The following MOB3C variants were observed in gnomAD, a reference collection of about 807,000 sequenced individuals.
MOB3C encodes MOB kinase activator 3C, also known as MOB1, Mps One Binder kinase activator-like 2C.
A neutral mutation model predicts 19.8 loss-of-function variants in MOB3C; 17 were observed. That is an observed-to-expected ratio of 0.86 (90% CI 0.59 to 1.29). MOB3C has a LOEUF of 1.29. MOB3C is among the 50% of genes most tolerant of loss of function. The probability of loss-of-function intolerance (pLI) is 0.00; values close to 1 mark genes in which losing one functional copy is unlikely to be tolerated. For missense variants in MOB3C, 291 were observed against 301.9 expected (o/e 0.96, Z 0.27); for synonymous variants, 101 against 119.2 (o/e 0.85, Z 0.99).
At position 46,613,158 on chromosome 1, in the gene MOB3C, T is replaced by A. The variant is rs1360463792; in HGVS notation, c.164A>T (p.Asn55Ile). ...GTGCACGGCGATCCAGTCGTCGATG[T>A]TCTCCCCGGGTGGTAGCCTCACCAC... is the stretch of plus-strand genomic sequence containing the variant. ...RSVVRLPPGE[N>I]IDDWIAVHVV... is the part of the protein sequence containing the mutation. Residue 55 changes from asparagine (N) to isoleucine (I), a missense_variant, in exon 2 of 4, where the codon AAC becomes ATC. Physicochemically the swap from Asn to Ile is moderately radical, Grantham distance 149 (BLOSUM62 -3). Coordinates refer to ENST00000319928, the MANE Select transcript of MOB3C (RefSeq NM_201403.3). 1 of 1,614,262 alleles carries A rather than the reference T, an allele frequency of 6.2e-7. No homozygotes were observed.
rs1030668046 is a variant in MOB3C at position 46,611,884 on chromosome 1, CT to C, written c.418+1019del. On this transcript the variant is annotated intron_variant, in intron 2 of 3. Coordinates refer to ENST00000319928, the MANE Select transcript of MOB3C (RefSeq NM_201403.3). This position sits in a 1 kb window ranked among gnomAD's most constrained non-coding sequence, Gnocchi z 4.1. The stretch of plus-strand genomic sequence containing the variant: ...CATTGAATTGTGACTCAGTGCCCAG[CT>C]TCCTTCAGCATTCAGACTTCTCCCC... 6.6e-6 allele frequency among the ~76,000 whole-genome samples: 1 copy of C among 152,158 alleles called. No homozygotes were observed. The highest frequency in any genetic ancestry group is 2.4e-5 in the African/African-American group (1 of 41,432).
At position 46,612,940 on chromosome 1, in the gene MOB3C, G is replaced by A. The variant is rs1675493847; in HGVS notation, c.382C>T (p.Leu128Phe). Residue 128 changes from leucine to phenylalanine, a missense_variant, in exon 2 of 4, where the codon CTC becomes TTC. Coordinates refer to ENST00000319928, the MANE Select transcript of MOB3C (RefSeq NM_201403.3). ...MALLMDWIEGLINDEEVFPTR... is the reference protein window; with the variant it reads ...MALLMDWIEGFINDEEVFPTR... ...GGAAAGACCTCTTCGTCGTTGATGAGGCCTTCGATCCAGTCCATGAGCAAT... is the reference window on the plus strand; with the variant it reads ...GGAAAGACCTCTTCGTCGTTGATGAAGCCTTCGATCCAGTCCATGAGCAAT... The A allele has an allele frequency of 2.5e-6, 4 of 1,570,696 alleles. No homozygotes were observed. The African/African-American group carries it at 5.4e-5, about 21-fold the overall frequency.
In MOB3C at chr1:46,611,222, A is replaced by G. The variant is rs770663263; in HGVS notation, c.419-1018T>C. Among the ~76,000 whole-genome samples the G allele has an allele frequency of 9.2e-5, 14 of 152,210 alleles. No homozygotes were observed. Among genetic ancestry groups the G allele is most frequent in the Non-Finnish European group, 1.8e-4 (12 of 68,040 alleles). Reference sequence around the variant, plus strand: ...CCTTTTGCCTCTAATCCTTAGAACAATTCGCCTGATGTGTCTGATTGTCAC... The same window carrying G: ...CCTTTTGCCTCTAATCCTTAGAACAGTTCGCCTGATGTGTCTGATTGTCAC... On this transcript the variant is annotated intron_variant, in intron 2 of 3. Transcript: ENST00000319928. The surrounding 1 kb of genome is among the most constrained non-coding windows in gnomAD (Gnocchi z 4.1).
rs759569065 is a variant in MOB3C, at chr1:46,613,102, T to C, written c.220A>G (p.Ile74Val). 1.5e-5 allele frequency: 24 copies of C among 1,614,010 alleles called. No individual in the cohort carries two copies. The highest frequency in any genetic ancestry group is 1.9e-5 in the Non-Finnish European group (23 of 1,179,882). The stretch of plus-strand genomic sequence containing the variant: ...CAGCGCTCCGCCATAGTGCCGTAGA[T>C]GAGGTTGATGCGGTTGAAGAAGTCC... ...VVDFFNRINL[I>V]YGTMAERCSE... Residue 74 changes from isoleucine (I) to valine (V), a missense_variant, in exon 2 of 4, where the codon ATC (isoleucine) becomes GTC (valine). Physicochemically the swap from Ile to Val is conservative, Grantham distance 29. Transcript: ENST00000319928.
chr1:46,609,603 C>T lies in MOB3C; in HGVS notation c.*52G>A, dbSNP rs1675426833. 1 of 1,612,916 alleles carries T rather than the reference C, an allele frequency of 6.2e-7. No individual in the cohort carries two copies. Among genetic ancestry groups the T allele is most frequent in the Admixed American group, 1.7e-5 (1 of 60,016 alleles). ...GCTCCTGGGGGTCCCCTCTGCCAGCCACCCTATGTTCAGATCGTCCATCTG... is the reference window on the plus strand; with the variant it reads ...GCTCCTGGGGGTCCCCTCTGCCAGCTACCCTATGTTCAGATCGTCCATCTG... On this transcript the variant is annotated 3_prime_UTR_variant, in exon 4 of 4. Transcript: ENST00000319928.
rs1227462415 is a variant in MOB3C, at chr1:46,607,746, A to G, written c.*1909T>C. On this transcript the variant is annotated 3_prime_UTR_variant, in exon 4 of 4. Transcript: ENST00000319928. ...CTTTAGTTTGCCTTTTATTTTACCA[A>G]AAATAACAACAATAAAGTCTTCCCT... The G allele has an allele frequency of 6.6e-6, 1 of 152,198 alleles. No individual in the cohort carries two copies. The allele number at this position is 152,198 out of a possible 1,614,324, so 9.4% of individuals were successfully genotyped here.
In MOB3C at chr1:46,613,227, T is replaced by C. The variant is rs767825672; in HGVS notation, c.95A>G (p.Lys32Arg). The C allele has an allele frequency of 3.7e-6, 6 of 1,614,184 alleles. No homozygotes were observed. The highest frequency in any genetic ancestry group is 1.7e-4 in the Middle Eastern group (1 of 6,060). Residue 32 changes from lysine to arginine, a missense_variant, in exon 2 of 4, where the codon AAG (lysine) becomes AGG (arginine). Transcript: ENST00000319928. ...EPGTQRFELYKKAQASLKSGL... is the reference protein window; with the variant it reads ...EPGTQRFELYRKAQASLKSGL... ...CGACTTGAGAGAGGCCTGTGCCTTCTTGTACAGCTCAAAGCGCTGTGTGCC... is the reference window on the plus strand; with the variant it reads ...CGACTTGAGAGAGGCCTGTGCCTTCCTGTACAGCTCAAAGCGCTGTGTGCC...
intron 1 of MOB3C, chr1:46,613,890 C>A (rs1675520419): frequency 6.4e-6 from 1 of 155,708 alleles, no homozygotes; most frequent in Non-Finnish European, 1.4e-5. Context: ...GGGAACTTTT[C>A]TACCAAAAAT....
At chr1:46,614,948 TTG>T in intron 1 of MOB3C, 1 of 1,546,756 alleles carries the variant, frequency 6.5e-7, no homozygotes, top group Non-Finnish European at 8.9e-7. Context: ...CAGCAGGAAC[TTG>T]TTCTCTTGAA....
chr1:46,609,644 C>G lies in MOB3C; in HGVS notation c.*11G>C. 6.2e-7 allele frequency: 1 copy of G among 1,614,180 alleles called. No individual in the cohort carries two copies. Among genetic ancestry groups the G allele is most frequent in the African/African-American group, 1.3e-5 (1 of 75,046 alleles). On this transcript the variant is annotated 3_prime_UTR_variant, in exon 4 of 4. Transcript: ENST00000319928. Reference sequence around the variant, plus strand: ...CGTCCATCTGATGGCCAAAAAAGTCCAGACCTGGGCTCAGTGGCAGATCCG... The same window carrying G: ...CGTCCATCTGATGGCCAAAAAAGTCGAGACCTGGGCTCAGTGGCAGATCCG...
At chr1:46,609,881 A>T in intron 3 of MOB3C, 121 bp downstream of exon 3, 2 of 1,288,464 alleles carry the variant, frequency 1.6e-6, no homozygotes, top group Non-Finnish European at 2.2e-6. Flanking sequence ...TCACTGTTAA[A>T]TGAATTGCCT....
At chr1:46,609,936 C>A in intron 3 of MOB3C, 66 bp downstream of exon 3, 1 of 1,579,370 alleles carries the variant, frequency 6.3e-7, no homozygotes, top group Non-Finnish European at 8.7e-7. Context: ...TTAAAGCAGG[C>A]AGCTTTTGGA....
chr1:46,609,768 C>A, intron 3 of MOB3C, 84 bp from the exon 4 acceptor site: 1 of 1,563,944 alleles, frequency 6.4e-7, no homozygotes, highest in South Asian at 1.2e-5. Context: ...CCTAGCTGCT[C>A]TTCTGTCTGA....
chr1:46,615,609 T>G (rs1675547005), intron 1 of MOB3C: 1 of 152,756 alleles, frequency 6.5e-6, no homozygotes, highest in African/African-American at 2.4e-5. Context: ...GAGGCCCAGA[T>G]GAGGAAACTG....
Position 46,613,150 on chromosome 1 carries a change from C to G in MOB3C, c.172G>C (p.Asp58His). The change falls in exon 2 of 4, where the codon GAC becomes CAC. Residue 58 changes from aspartate (D) to histidine (H), a missense_variant. By Grantham distance (81) the Asp-to-His change is moderately conservative (BLOSUM62 -1). Transcript: ENST00000319928. The stretch of plus-strand genomic sequence containing the variant: ...TCCACCACGTGCACGGCGATCCAGT[C>G]GTCGATGTTCTCCCCGGGTGGTAGC... ...VRLPPGENID[D>H]WIAVHVVDFF... 1 of 1,614,272 alleles carries G rather than the reference C, an allele frequency of 6.2e-7. No individual in the cohort carries two copies.
rs147085297 is a variant in MOB3C, at chr1:46,615,662, A to G, written c.-51+1049T>C. 1,088 of 152,658 alleles carry G rather than the reference A, an allele frequency of 7.1e-3. 7 individuals are homozygous for G. Among genetic ancestry groups the G allele is most frequent in the Non-Finnish European group, 0.012 (802 of 68,356 alleles). 9.5% of individuals were successfully genotyped at this position (152,658 alleles called of 1,614,324 possible). A position where few individuals can be genotyped will look rare whatever the true frequency, so the allele number is the denominator to read the frequency against. On this transcript the variant is annotated intron_variant, in intron 1 of 3. Coordinates refer to ENST00000319928, the MANE Select transcript of MOB3C (RefSeq NM_201403.3). ...TTGAGGAGCCTGTGTCCACATAGCA[A>G]GTTACAAGCAGAACTGGGAACTGGG...
rs778477314 is a variant in MOB3C at position 46,610,009 on chromosome 1, T to C, written c.614A>G (p.Glu205Gly). The C allele has an allele frequency of 6.2e-7, 1 of 1,614,232 alleles. No individual in the cohort carries two copies. Among genetic ancestry groups the C allele is most frequent in the South Asian group, 1.1e-5 (1 of 91,088 alleles). Reference protein sequence around the residue: ...EFSLVDQRELEPLREMTERIC... With the variant: ...EFSLVDQRELGPLREMTERIC... Reference sequence around the variant, plus strand: ...GGTAGGGCTTGGCCTCACCAGTGGCTCCAGCTCCCGCTGGTCCACCAGACT... The same window carrying C: ...GGTAGGGCTTGGCCTCACCAGTGGCCCCAGCTCCCGCTGGTCCACCAGACT... The change falls in exon 3 of 4, where the codon GAG (glutamate) becomes GGG (glycine). Residue 205 changes from glutamate to glycine, a missense_variant. Coordinates refer to ENST00000319928, the MANE Select transcript of MOB3C (RefSeq NM_201403.3).
At chr1:46,610,342 A>G (rs1675444357) in intron 2 of MOB3C, 138 bp from the exon 3 acceptor site, 3 of 694,588 alleles carry the variant, frequency 4.3e-6, no homozygotes, top group Non-Finnish European at 7.4e-6. Context: ...TGGAAAACAG[A>G]GAGTGGTTTG....
intron 2 of MOB3C, 111 bp from the exon 3 acceptor site, chr1:46,610,315 T>C (rs1316087974): frequency 1.3e-5 from 11 of 826,724 alleles, no homozygotes; most frequent in Non-Finnish European, 2.0e-5. Context: ...CAGCACACTT[T>C]TTAGTACACT....
Sources: allele counts gnomAD v4.1 joint callset (sites outside exome capture counted in the v4.1 genomes callset), GRCh38; gene constraint gnomAD v4.1.1; non-coding constraint Gnocchi (gnomAD v3.1); transcripts MANE v1.5; gene names NCBI Gene and HGNC (gene_info 2026-07-23, HGNC 2026-07-21).